Variants in ZNF850 observed in about 807,000 individuals in gnomAD.
The protein encoded by ZNF850 is zinc finger protein 850.
A neutral mutation model predicts 11.9 loss-of-function variants in ZNF850; 2 were observed. The ratio of observed to expected loss-of-function variants is 0.17; its 90% confidence interval spans 0.07 to 0.53. The LOEUF (loss-of-function observed/expected upper bound fraction) is 0.53. ZNF850 is among the 20% of genes least tolerant of loss of function. ZNF850 has a pLI of 0.94. For missense variants in ZNF850, 1,014 were observed against 1,316.4 expected (o/e 0.77, Z 3.55); for synonymous variants, 381 against 443.0 (o/e 0.86, Z 1.76).
At chr19:36,758,070 A>G (rs948358667) in intron 4 of ZNF850, among the ~76,000 whole-genome samples, 1 of 152,256 alleles carries the variant, frequency 6.6e-6, no homozygotes, top group African/African-American at 2.4e-5. Flanking sequence ...ACTGTATGGA[A>G]CAGCACAGCT....
chr19:36,765,509 C>A (rs73037149), intron 1 of ZNF850, among the ~76,000 whole-genome samples: 10 of 150,950 alleles, frequency 6.6e-5, no homozygotes, highest in Non-Finnish European at 1.0e-4. Flanking sequence ...AAATGTTTTT[C>A]GTATTAAATC....
At chr19:36,750,873 G>T in intron 4 of ZNF850, 69 bp from the exon 5 acceptor site, 3 of 1,398,112 alleles carry the variant, frequency 2.1e-6, no homozygotes, top group Non-Finnish European at 2.8e-6. Flanking sequence ...ATCTATGGTA[G>T]AAAGGGGAGA....
In ZNF850 at chr19:36,744,241, ATCTT is replaced by A. The variant is rs1164348162; in HGVS notation, c.*3522_*3525del. 2 of 151,904 alleles carry A rather than the reference ATCTT, an allele frequency of 1.3e-5. No homozygotes were observed. The highest frequency in any genetic ancestry group is 2.9e-5 in the Non-Finnish European group (2 of 67,994). 9.4% of individuals were successfully genotyped at this position (151,904 alleles called of 1,614,324 possible). A position where few individuals can be genotyped will look rare whatever the true frequency, so the allele number is the denominator to read the frequency against. On this transcript the variant is annotated 3_prime_UTR_variant, in exon 5 of 5. Coordinates refer to ENST00000591344, the MANE Select transcript of ZNF850 (RefSeq NM_001193552.2). ...TTTGGTCAATAAGAATATACAGGTG[ATCTT>A]TCTGTCTTCATTGTGCTTTTCTCTG...
intron 1 of ZNF850, among the ~76,000 whole-genome samples, chr19:36,770,780 C>T (rs1480592468): frequency 1.4e-5 from 2 of 137,962 alleles, no homozygotes; most frequent in Non-Finnish European, 3.1e-5. Flanking sequence ...GAGTTGTATG[C>T]GAGGAAATAG....
At chr19:36,752,315 T>C (rs973793173) in intron 4 of ZNF850, among the ~76,000 whole-genome samples, 4 of 152,080 alleles carry the variant, frequency 2.6e-5, no homozygotes, top group African/African-American at 9.7e-5. Context: ...ATTATGAGCA[T>C]GGAAAAAGCT....
At position 36,750,507 on chromosome 19, in the gene ZNF850, A is replaced by C; in HGVS notation, c.533T>G (p.Phe178Cys). ...KLYKSTECMA[F>C]KYGSELTQQQ... The stretch of plus-strand genomic sequence containing the variant: ...TTGTGTAAGTTCTGAGCCATACTTA[A>C]AAGCCATACATTCTGTGGATTTATA... The change falls in exon 5 of 5, where the codon TTT becomes TGT. Residue 178 changes from phenylalanine (F) to cysteine (C), a missense_variant. This residue lies in a region of ZNF850 where 835 missense variants were observed against 1,022.0 expected (regional missense o/e 0.82). Coordinates refer to ENST00000591344, the MANE Select transcript of ZNF850 (RefSeq NM_001193552.2). The C allele has an allele frequency of 2.0e-6, 3 of 1,536,260 alleles. No individual in the cohort carries two copies. The highest frequency in any genetic ancestry group is 2.6e-6 in the Non-Finnish European group (3 of 1,146,928).
intron 1 of ZNF850, among the ~76,000 whole-genome samples, chr19:36,769,812 G>C (rs1255808616): frequency 1.3e-5 from 2 of 152,084 alleles, no homozygotes; most frequent in Middle Eastern, 3.2e-3. Flanking sequence ...CAGTTCTGCA[G>C]CAGACACCAG....
chr19:36,747,997 C>T lies in ZNF850; in HGVS notation c.3043G>A (p.Gly1015Arg). ...TGTGAAGGACATCTAAAGGCCTTCC[C>T]ACATTCCTTACAATCATAAGGTTTC... ...GEKPYDCKEC[G>R]KAFRCPSQLS... The change falls in exon 5 of 5, where the codon GGG (glycine) becomes AGG (arginine). Residue 1015 changes from glycine to arginine, a missense_variant. Physicochemically the swap from Gly to Arg is moderately radical, Grantham distance 125. Around this residue, in one of 2 missense-constraint regions of ZNF850, gnomAD observed 179 missense variants for 294.4 expected, o/e 0.61. Transcript: ENST00000591344. 1.9e-6 allele frequency: 3 copies of T among 1,591,786 alleles called. No homozygotes were observed. Among genetic ancestry groups the T allele is most frequent in the Non-Finnish European group, 2.6e-6 (3 of 1,171,420 alleles).
chr19:36,761,783 C>T, intron 3 of ZNF850, 45 bp from the exon 4 acceptor site: 2 of 1,202,736 alleles, frequency 1.7e-6, no homozygotes, highest in Non-Finnish European at 2.4e-6. Context: ...TGGTGGCTCA[C>T]TCCTATAATC....
Position 36,756,283 on chromosome 19 carries a change from T to A in ZNF850, c.235+5360A>T, listed in dbSNP as rs74815008. Among the ~76,000 whole-genome samples, 228 of 152,310 alleles carry A rather than the reference T, an allele frequency of 1.5e-3. 1 individual carries two copies. The highest frequency in any genetic ancestry group is 5.4e-3 in the African/African-American group (225 of 41,586). On this transcript the variant is annotated intron_variant, in intron 4 of 4. Coordinates refer to ENST00000591344, the MANE Select transcript of ZNF850 (RefSeq NM_001193552.2). ...ATACTTTCAGCACACTACATAACCT[T>A]ATTTCCAGGAAGATGTGTATTTGCA...
At position 36,749,252 on chromosome 19, in the gene ZNF850, T is replaced by C; in HGVS notation, c.1788A>G (p.Lys596=). Residue 596 remains lysine, a synonymous_variant, in exon 5 of 5, where the codon AAA becomes AAG. Transcript: ENST00000591344. The stretch of plus-strand genomic sequence containing the variant: ...GTAGTGTTGAGCCAACAGTAAAAGA[T>C]TTTCCACATTCCTTACAGTGATAGG... The part of the protein sequence containing the change: ...EKPYHCKECG[K]SFTVGSTLLQ... 6.3e-7 allele frequency: 1 copy of C among 1,581,112 alleles called. No individual in the cohort carries two copies. Among genetic ancestry groups the C allele is most frequent in the Non-Finnish European group, 8.6e-7 (1 of 1,166,680 alleles).
chr19:36,755,910 T>C (rs2040483555), intron 4 of ZNF850, among the ~76,000 whole-genome samples: 2 of 85,330 alleles, frequency 2.3e-5, no homozygotes, highest in Non-Finnish European at 5.2e-5. Context: ...TTTAGCCTTT[T>C]TTTTTTTTTT....
intron 4 of ZNF850, among the ~76,000 whole-genome samples, chr19:36,754,700 C>T (rs571212333): frequency 2.6e-5 from 4 of 152,150 alleles, no homozygotes; most frequent in Admixed American, 1.3e-4. Flanking sequence ...GGATTACAGG[C>T]GCCTGCCACC....
intron 1 of ZNF850, among the ~76,000 whole-genome samples, chr19:36,768,953 C>T (rs1251925036): frequency 1.4e-5 from 2 of 139,374 alleles, no homozygotes; most frequent in Non-Finnish European, 3.1e-5. Context: ...CAGAGTGAGA[C>T]CCTGTCTTTA....
intron 1 of ZNF850, 56 bp from the exon 2 acceptor site, chr19:36,762,731 A>T: frequency 1.0e-6 from 1 of 996,840 alleles, no homozygotes; most frequent in South Asian, 1.5e-5. Context: ...GAACTAGAGT[A>T]CAAAAGCACA....
At chr19:36,754,709 C>T (rs1288635845) in intron 4 of ZNF850, among the ~76,000 whole-genome samples, 3 of 152,078 alleles carry the variant, frequency 2.0e-5, no homozygotes, top group Non-Finnish European at 4.4e-5. Context: ...GCGCCTGCCA[C>T]CACGCCCGGC....
intron 1 of ZNF850, among the ~76,000 whole-genome samples, chr19:36,769,281 A>G (rs1342164143): frequency 4.5e-5 from 2 of 44,412 alleles, no homozygotes; most frequent in African/African-American, 1.3e-4. Context: ...AAAAAAAAAG[A>G]AAGAAAGAAA....
Position 36,749,674 on chromosome 19 carries a change from TC to T in ZNF850, c.1365del (p.Lys456AsnfsTer93). Reference sequence around the variant, plus strand: ...AGTGCTGAGCCCGAAGCAAAAGATTTCCCACACTCCTTACAATCATAGGGTT... The same window carrying T: ...AGTGCTGAGCCCGAAGCAAAAGATTTCCACACTCCTTACAATCATAGGGTT... ...GEKPYDCKECGKSFASGSALL... is the reference protein window; with the variant it reads ...GEKPYDCKECXKSFASGSALL... On this transcript the variant is annotated frameshift_variant, in exon 5 of 5. Coordinates refer to ENST00000591344, the MANE Select transcript of ZNF850 (RefSeq NM_001193552.2). LOFTEE classifies it low-confidence loss of function (END_TRUNC). The T allele has an allele frequency of 6.4e-7, 1 of 1,558,258 alleles. No individual in the cohort carries two copies. Among genetic ancestry groups the T allele is most frequent in the Non-Finnish European group, 8.7e-7 (1 of 1,154,090 alleles).
chr19:36,750,606 T>A lies in ZNF850; in HGVS notation c.434A>T (p.Tyr145Phe). The part of the protein sequence containing the change: ...ERYLEKAIMT[Y>F]ETTPTFCLQT... ...TAGGCAGAAAGTTGGTGTTGTTTCA[T>A]AAGTCATTATTGCTTTTTCCAAATA... The change falls in exon 5 of 5, where the codon TAT becomes TTT. Residue 145 changes from tyrosine (Y) to phenylalanine (F), a missense_variant. This residue lies in a region of ZNF850 where 835 missense variants were observed against 1,022.0 expected (regional missense o/e 0.82). Coordinates refer to ENST00000591344, the MANE Select transcript of ZNF850 (RefSeq NM_001193552.2). The A allele has an allele frequency of 6.5e-7, 1 of 1,536,180 alleles. No individual in the cohort carries two copies. Among genetic ancestry groups the A allele is most frequent in the East Asian group, 2.4e-5 (1 of 40,918 alleles).
Sources: gnomAD v4.1 joint callset for allele counts (sites outside exome capture counted in the v4.1 genomes callset) on GRCh38, gnomAD v4.1.1 for gene constraint, gnomAD v4.1.1 regional missense constraint, MANE v1.5 for transcripts, NCBI Gene and HGNC (gene_info 2026-07-23, HGNC 2026-07-21) for gene names.